Variants in THSD4 observed in about 807,000 individuals in gnomAD.
The protein encoded by THSD4 is thrombospondin type-1 domain-containing protein 4.
A neutral mutation model predicts 119.0 loss-of-function variants in THSD4; 69 were observed. The observed-to-expected ratio is 0.58, with a 90% CI of 0.48 to 0.71. The LOEUF (loss-of-function observed/expected upper bound fraction) is 0.71, where lower values mean the gene tolerates loss of function less well. Among genes scored for constraint, THSD4 ranks in the 30% least tolerant of loss-of-function variants. The probability of loss-of-function intolerance (pLI) is 0.00; values close to 1 mark genes in which losing one functional copy is unlikely to be tolerated. For synonymous variants in THSD4, 524 were observed against 540.4 expected, an observed-to-expected ratio of 0.97 and a Z score of 0.42; for missense variants, 1,393 against 1,391.1, an observed-to-expected ratio of 1.00 and a Z score of -0.02.
chr15:71,117,236 T>C (rs1469963390), intron 1 of THSD4, among the ~76,000 whole-genome samples: 2 of 152,132 alleles, frequency 1.3e-5, no homozygotes, highest in Non-Finnish European at 2.9e-5. Flanking sequence ...CTTTTTAGTC[T>C]CCTATGCCAT....
chr15:71,228,360 C>T (rs1335343048), intron 4 of THSD4, among the ~76,000 whole-genome samples: 2 of 152,126 alleles, frequency 1.3e-5, no homozygotes, highest in Non-Finnish European at 2.9e-5. Flanking sequence ...ACAGATCCTC[C>T]CCCAGAGCCT....
intron 1 of THSD4, among the ~76,000 whole-genome samples, chr15:71,117,965 A>G (rs2040377145): frequency 6.6e-6 from 1 of 152,184 alleles, no homozygotes; most frequent in Admixed American, 6.5e-5. Flanking sequence ...AAGTAAAGAA[A>G]TAACCGCAAT....
intron 1 of THSD4, among the ~76,000 whole-genome samples, chr15:71,103,189 A>AT (rs1012046606): frequency 3.0e-4 from 45 of 149,272 alleles, no homozygotes; most frequent in African/African-American, 9.9e-4. Flanking sequence ...AGATTATATT[A>AT]TTTTTGCGAG....
At chr15:71,765,318 C>A in intron 16 of THSD4, 119 bp downstream of exon 16, 1 of 1,249,130 alleles carries the variant, frequency 8.0e-7, no homozygotes, top group Non-Finnish European at 1.1e-6. Context: ...CTACAGCAAT[C>A]TACCTTAGGT....
intron 7 of THSD4, among the ~76,000 whole-genome samples, chr15:71,460,964 A>G (rs34119720): frequency 0.16 from 23,812 of 152,182 alleles, 2,356 homozygotes; most frequent in East Asian, 0.3. Context: ...TTCATTAACT[A>G]TTGCTGCATA....
chr15:71,773,470 ATT>A (rs1314191360), intron 17 of THSD4, among the ~76,000 whole-genome samples: 1 of 152,108 alleles, frequency 6.6e-6, no homozygotes, highest in African/African-American at 2.4e-5. Context: ...TGTCTTCTGT[ATT>A]TGTCTATGGT....
At chr15:71,256,928 G>A (rs1567171716) in intron 6 of THSD4, among the ~76,000 whole-genome samples, 1 of 152,190 alleles carries the variant, frequency 6.6e-6, no homozygotes, top group Non-Finnish European at 1.5e-5. Flanking sequence ...GCATGAGTCA[G>A]ATGGATGAGG....
intron 8 of THSD4, among the ~76,000 whole-genome samples, chr15:71,664,634 T>TG (rs2051379687): frequency 6.6e-6 from 1 of 152,174 alleles, no homozygotes; most frequent in Non-Finnish European, 1.5e-5. Context: ...AGTTATTTTT[T>TG]CTGATCCTTT....
At chr15:71,264,072 C>A (rs1241144884) in intron 6 of THSD4, among the ~76,000 whole-genome samples, 1 of 152,212 alleles carries the variant, frequency 6.6e-6, no homozygotes, top group East Asian at 1.9e-4. Flanking sequence ...AGCAGTCTGC[C>A]CCAACACAGA....
At chr15:71,735,996 CTGTCTCTCTT>C (rs1371348262) in intron 10 of THSD4, among the ~76,000 whole-genome samples, 1 of 150,028 alleles carries the variant, frequency 6.7e-6, no homozygotes, top group East Asian at 2.0e-4. Context: ...CTGTCCCTCT[CTGTCTCTCTT>C]GCTCTCTGTC....
At chr15:71,766,406 A>G (rs1212736290) in intron 16 of THSD4, among the ~76,000 whole-genome samples, 1 of 152,062 alleles carries the variant, frequency 6.6e-6, no homozygotes, top group Non-Finnish European at 1.5e-5. Context: ...AGCCCAGAGT[A>G]GGGGGGCCAG....
rs71131703 is a variant in THSD4, at chr15:71,749,697, TTTTA to T, written c.2415+1139_2415+1142del. Among the ~76,000 whole-genome samples, 172 of 137,666 alleles carry T rather than the reference TTTTA, an allele frequency of 1.2e-3. 5 individuals carry two copies. The highest frequency in any genetic ancestry group is 2.9e-3 in the African/African-American group (107 of 37,100). The allele number at this position is 137,666 out of a possible 152,430, so 90.3% of individuals were successfully genotyped here. A position where few individuals can be genotyped will look rare whatever the true frequency, so the allele number is the denominator to read the frequency against. On this transcript the variant is annotated intron_variant, in intron 14 of 17. Transcript: ENST00000261862. The stretch of plus-strand genomic sequence containing the variant: ...TTTTAATATTTTTATATTTTTAAAT[TTTTA>T]TTTATTTATTTATTTATTTATTTAT...
chr15:71,436,380 C>T (rs2047013420), intron 7 of THSD4, among the ~76,000 whole-genome samples: 1 of 152,206 alleles, frequency 6.6e-6, no homozygotes, highest in Non-Finnish European at 1.5e-5. Context: ...AGCTGCTATA[C>T]TCAATGCTAG....
chr15:71,310,574 G>A (rs1020823663), intron 6 of THSD4, among the ~76,000 whole-genome samples: 4 of 152,162 alleles, frequency 2.6e-5, no homozygotes, highest in Admixed American at 6.5e-5. Flanking sequence ...AGCAGGGCCT[G>A]CCTATCTAGA....
At chr15:71,130,520 C>G (rs1339670458) in intron 1 of THSD4, among the ~76,000 whole-genome samples, 1 of 151,980 alleles carries the variant, frequency 6.6e-6, no homozygotes, top group Non-Finnish European at 1.5e-5. Context: ...TAAGACAAGC[C>G]ATGACTCCAA....
intron 4 of THSD4, among the ~76,000 whole-genome samples, chr15:71,224,834 C>A (rs1235327689): frequency 6.6e-6 from 1 of 152,126 alleles, no homozygotes; most frequent in East Asian, 1.9e-4. Context: ...TAAGGAGGAC[C>A]CTTGTGATTA....
At position 71,780,968 on chromosome 15, in the gene THSD4, G is replaced by A. The variant is rs1422723369; in HGVS notation, c.*3594G>A. On this transcript the variant is annotated 3_prime_UTR_variant, in exon 18 of 18. Transcript: ENST00000261862. ...TGTGGGTTTTCTTTTCATTCGGATA[G>A]CCACTTTATAGTTGGAATATCAATT... 1 of 348,644 alleles carries A rather than the reference G, an allele frequency of 2.9e-6. No homozygotes were observed. The highest frequency in any genetic ancestry group is 3.8e-5 in the Admixed American group (1 of 26,614). The allele number at this position is 348,644 out of a possible 1,614,324, so 21.6% of individuals were successfully genotyped here.
intron 7 of THSD4, among the ~76,000 whole-genome samples, chr15:71,529,844 A>G (rs2048582419): frequency 6.6e-6 from 1 of 152,240 alleles, no homozygotes; most frequent in South Asian, 2.1e-4. Flanking sequence ...TGGGGATCAT[A>G]GCTACCTCCC....
intron 7 of THSD4, among the ~76,000 whole-genome samples, chr15:71,624,698 A>C (rs1465013656): frequency 6.6e-6 from 1 of 152,166 alleles, no homozygotes; most frequent in African/African-American, 2.4e-5. Context: ...AGTCTAAAGA[A>C]GGCCATGGAC....
Sources: gnomAD v4.1 joint callset for allele counts (sites outside exome capture counted in the v4.1 genomes callset) on GRCh38, gnomAD v4.1.1 for gene constraint, MANE v1.5 for transcripts, NCBI Gene and HGNC (gene_info 2026-07-23, HGNC 2026-07-21) for gene names.